NLGN1: variants seen among roughly 807,000 people sequenced by gnomAD.
NLGN1 encodes the protein neuroligin 1.
In NLGN1, 12 loss-of-function variants were observed where a neutral mutation model predicts 65.5. The observed-to-expected ratio is 0.18, with a 90% CI of 0.12 to 0.30. The LOEUF (loss-of-function observed/expected upper bound fraction) is 0.30, where lower values mean the gene tolerates loss of function less well. NLGN1 is among the 10% of genes least tolerant of loss of function. The probability of loss-of-function intolerance (pLI) is 1.00; values close to 1 mark genes in which losing one functional copy is unlikely to be tolerated. For synonymous variants in NLGN1, 350 were observed against 359.5 expected (o/e 0.97, Z 0.30); for missense variants, 750 against 1,007.1 (o/e 0.74, Z 3.46).
chr3:173,895,953 G>A (rs188019961), intron 4 of NLGN1, among the ~76,000 whole-genome samples: 1 of 152,314 alleles, frequency 6.6e-6, no homozygotes, highest in African/African-American at 2.4e-5. Context: ...GCCTCCCAAA[G>A]TGCTGAGATT....
chr3:174,259,322 A>G (rs949332507), intron 4 of NLGN1, among the ~76,000 whole-genome samples: 1 of 151,798 alleles, frequency 6.6e-6, no homozygotes, highest in Non-Finnish European at 1.5e-5. Flanking sequence ...TTTTCAGTTA[A>G]TCCTTGCTAC....
rs183550074 is a variant in NLGN1, at chr3:174,208,148, C to G, written c.647-67167C>G. On this transcript the variant is annotated intron_variant, in intron 4 of 6. Transcript: ENST00000457714. ...CAGGTCATGAAAATATCATTCAATT[C>G]CAATTCTATGCTTCCTGCGTGACCA... Among the ~76,000 whole-genome samples the G allele has an allele frequency of 1.7e-3, 260 of 152,286 alleles. 1 individual carries two copies. Among genetic ancestry groups the G allele is most frequent in the Non-Finnish European group, 3.2e-3 (218 of 68,024 alleles).
chr3:173,454,945 C>T (rs945651785), intron 2 of NLGN1, among the ~76,000 whole-genome samples: 3 of 152,096 alleles, frequency 2.0e-5, no homozygotes, highest in African/African-American at 4.8e-5. Flanking sequence ...ACTGGCCTAA[C>T]TTTAATACTG....
At chr3:173,916,742 C>A (rs143609696) in intron 4 of NLGN1, among the ~76,000 whole-genome samples, 1 of 152,036 alleles carries the variant, frequency 6.6e-6, no homozygotes, top group Non-Finnish European at 1.5e-5. Context: ...ATATAGGATG[C>A]GTGTTCTAGT....
chr3:173,424,805 C>G (rs1715800335), intron 1 of NLGN1, among the ~76,000 whole-genome samples: 2 of 152,170 alleles, frequency 1.3e-5, no homozygotes, highest in Admixed American at 6.5e-5. Context: ...TTCCCATATC[C>G]TCCTGCCTTC....
chr3:174,050,407 TTC>T (rs1491229523), intron 4 of NLGN1, among the ~76,000 whole-genome samples: 1 of 152,072 alleles, frequency 6.6e-6, no homozygotes, highest in Non-Finnish European at 1.5e-5. Context: ...CATTTTTTTT[TTC>T]TGTTTTCAGT....
At chr3:173,604,619 G>A (rs1346489280) in exon 3 of NLGN1, 15 of 1,613,398 alleles carry the variant, frequency 9.3e-6, no homozygotes, top group African/African-American at 2.7e-5. Context: ...CCAGATGCAC[G>A]TGGCCAAATT....
chr3:173,712,952 GAT>G (rs1472139419), intron 3 of NLGN1, among the ~76,000 whole-genome samples: 1 of 152,018 alleles, frequency 6.6e-6, no homozygotes, highest in African/African-American at 2.4e-5. Context: ...GACAATGAGA[GAT>G]ATGTGTAGTA....
intron 3 of NLGN1, among the ~76,000 whole-genome samples, chr3:173,623,355 A>G (rs77266251): frequency 8.8e-5 from 6 of 68,392 alleles, no homozygotes; most frequent in Non-Finnish European, 3.2e-5. Flanking sequence ...TATTTTTGTG[A>G]AAAAAAAAAA....
chr3:174,287,138 CTT>C (rs57792716), downstream of NLGN1, among the ~76,000 whole-genome samples: 17,537 of 151,252 alleles, frequency 0.12, 1,111 homozygotes, highest in African/African-American at 0.14. Flanking sequence ...TGATCCAAGT[CTT>C]GATCAAATCA....
intron 3 of NLGN1, among the ~76,000 whole-genome samples, chr3:173,781,147 A>AAAAAAAAAAAAAAAT (rs1373897393): frequency 6.6e-6 from 1 of 150,494 alleles, no homozygotes; most frequent in Non-Finnish European, 1.5e-5. Context: ...TCCGTCTCAA[A>AAAAAAAAAAAAAAAT]AAAAAAAAAG....
In NLGN1 at chr3:173,531,088, T is replaced by A. The variant is rs524452; in HGVS notation, c.-320-73191T>A. 6.7e-3 allele frequency among the ~76,000 whole-genome samples: 1,017 copies of A among 152,224 alleles called. 18 individuals are homozygous for A. Among genetic ancestry groups the A allele is most frequent in the African/African-American group, 0.023 (962 of 41,526 alleles). ...ATACAATTACTTTATTAGAAAAAAT[T>A]TATGGCTGTGTATTGTGACACTTAC... is the stretch of plus-strand genomic sequence containing the variant. On this transcript the variant is annotated intron_variant, in intron 2 of 6. Transcript: ENST00000457714.
chr3:174,192,759 G>T (rs1424166114), intron 4 of NLGN1, among the ~76,000 whole-genome samples: 1 of 152,044 alleles, frequency 6.6e-6, no homozygotes, highest in African/African-American at 2.4e-5. Flanking sequence ...AGTTTTATTT[G>T]CCTATGAAAA....
chr3:173,455,765 T>C (rs879262157), intron 2 of NLGN1, among the ~76,000 whole-genome samples: 1 of 152,146 alleles, frequency 6.6e-6, no homozygotes, highest in Non-Finnish European at 1.5e-5. Flanking sequence ...TGTGTGTATA[T>C]ATATATGTTT....
chr3:173,775,148 G>A (rs1038643), intron 3 of NLGN1, among the ~76,000 whole-genome samples: 11,938 of 152,042 alleles, frequency 0.079, 654 homozygotes, highest in Non-Finnish European at 0.11. Context: ...TGTTTTCTGA[G>A]TATTTATAAG....
intron 4 of NLGN1, among the ~76,000 whole-genome samples, chr3:174,103,553 G>T (rs1713032281): frequency 6.6e-6 from 1 of 152,002 alleles, no homozygotes; most frequent in Non-Finnish European, 1.5e-5. Context: ...ATGTTCTAGT[G>T]AACTGACAGG....
At chr3:173,596,354 A>G (rs773226438) in intron 2 of NLGN1, among the ~76,000 whole-genome samples, 1 of 152,230 alleles carries the variant, frequency 6.6e-6, no homozygotes, top group Non-Finnish European at 1.5e-5. Context: ...GGTTCTGGGC[A>G]AAATTAAGAA....
chr3:173,425,630 A>C (rs1247924874), intron 1 of NLGN1, among the ~76,000 whole-genome samples: 1 of 152,190 alleles, frequency 6.6e-6, no homozygotes, highest in Non-Finnish European at 1.5e-5. Context: ...GTCTTGGTTG[A>C]AAATGAGTTG....
chr3:174,281,301 T>G, exon 7 of NLGN1: 1 of 1,593,018 alleles, frequency 6.3e-7, no homozygotes. Flanking sequence ...AACCAGGGTA[T>G]AGCCAGATAA....
Sources: gnomAD v4.1 joint callset for allele counts (sites outside exome capture counted in the v4.1 genomes callset) on GRCh38, gnomAD v4.1.1 for gene constraint, MANE v1.5 for transcripts, NCBI Gene and HGNC (gene_info 2026-07-23, HGNC 2026-07-21) for gene names.